CNTN4: variants seen among roughly 807,000 people sequenced by gnomAD.
The protein encoded by CNTN4 is contactin 4, also known as contactin-4.
CNTN4 carries 77 observed loss-of-function variants against 122.5 expected under a neutral mutation model. The observed-to-expected ratio is 0.63, with a 90% CI of 0.52 to 0.76. The LOEUF is 0.76. Among genes scored for constraint, CNTN4 ranks in the 30% least tolerant of loss-of-function variants. The pLI is 0.00. For synonymous variants in CNTN4, 512 were observed against 447.0 expected (o/e 1.15, Z -1.83); for missense variants, 1,256 against 1,259.1 (o/e 1.00, Z 0.04).
At chr3:2,647,858 T>A (rs116511091) in intron 4 of CNTN4, among the ~76,000 whole-genome samples, 2,829 of 152,326 alleles carry the variant, frequency 0.019, 33 homozygotes, top group Middle Eastern at 0.034. Context: ...TAGTTTACAG[T>A]TACTAATATT....
intron 6 of CNTN4, among the ~76,000 whole-genome samples, chr3:2,792,852 C>T (rs2092055344): frequency 6.6e-6 from 1 of 152,172 alleles, no homozygotes. Context: ...TGTATTTATA[C>T]TTTGCATTTT....
intron 2 of CNTN4, among the ~76,000 whole-genome samples, chr3:2,230,049 A>G (rs552167427): frequency 6.6e-6 from 1 of 152,316 alleles, no homozygotes; most frequent in African/African-American, 2.4e-5. Context: ...GGTCATCATT[A>G]TTAAGCTTTA....
Position 2,308,034 on chromosome 3 carries a change from C to A in CNTN4, c.-144-31144C>A, listed in dbSNP as rs144811124. 1.4e-3 allele frequency among the ~76,000 whole-genome samples: 207 copies of A among 152,184 alleles called. 2 individuals are homozygous for A. The East Asian group carries it at 0.03, about 22-fold the overall frequency. On this transcript the variant is annotated intron_variant, in intron 2 of 24. Transcript: ENST00000418658. ...ACCGGTGAAGCCTTCTGCTCATGGA[C>A]TTTTTTATGAGAAGTTTCTTGATTA...
At chr3:2,344,089 G>T (rs919057697) in intron 3 of CNTN4, among the ~76,000 whole-genome samples, 5 of 151,978 alleles carry the variant, frequency 3.3e-5, no homozygotes, top group African/African-American at 1.2e-4. Context: ...TCCCCCCATG[G>T]CCCAAACACC....
At chr3:2,457,769 G>C (rs1320908555) in intron 3 of CNTN4, among the ~76,000 whole-genome samples, 2 of 152,096 alleles carry the variant, frequency 1.3e-5, no homozygotes, top group African/African-American at 4.8e-5. Context: ...CCATGTCCCT[G>C]TGTAATTCAT....
chr3:2,678,952 T>C (rs1246721345), intron 4 of CNTN4, among the ~76,000 whole-genome samples: 1 of 152,158 alleles, frequency 6.6e-6, no homozygotes, highest in Non-Finnish European at 1.5e-5. Context: ...GCTACAAAGG[T>C]ACCTTTTTAC....
chr3:2,726,146 C>G (rs933149737), intron 4 of CNTN4, among the ~76,000 whole-genome samples: 1 of 152,118 alleles, frequency 6.6e-6, no homozygotes, highest in Admixed American at 6.5e-5. Context: ...GGTTCTCTCT[C>G]TCTATGTGGG....
chr3:2,143,167 A>AT (rs1194406600), intron 2 of CNTN4, among the ~76,000 whole-genome samples: 3 of 151,984 alleles, frequency 2.0e-5, no homozygotes, highest in Non-Finnish European at 4.4e-5. Flanking sequence ...TATAGACTGG[A>AT]TTTTTTTCTG....
At chr3:2,756,761 G>A (rs1205404461) in intron 6 of CNTN4, among the ~76,000 whole-genome samples, 1 of 152,160 alleles carries the variant, frequency 6.6e-6, no homozygotes, top group Non-Finnish European at 1.5e-5. Context: ...ATCCAGCAGG[G>A]GAAACCAGTG....
At chr3:2,316,933 C>T (rs754258150) in intron 2 of CNTN4, among the ~76,000 whole-genome samples, 16 of 152,042 alleles carry the variant, frequency 1.1e-4, no homozygotes, top group Non-Finnish European at 2.2e-4. Flanking sequence ...GACAGTGATC[C>T]CATATATTTC....
intron 3 of CNTN4, among the ~76,000 whole-genome samples, chr3:2,492,130 C>T (rs929777504): frequency 6.6e-6 from 1 of 152,174 alleles, no homozygotes; most frequent in African/African-American, 2.4e-5. Context: ...TCCCTGAAGG[C>T]AGGAAATGTT....
intron 7 of CNTN4, among the ~76,000 whole-genome samples, chr3:2,835,124 C>G (rs2093196622): frequency 6.6e-6 from 1 of 151,526 alleles, no homozygotes; most frequent in Non-Finnish European, 1.5e-5. Flanking sequence ...CCAGGATGGT[C>G]TCGATCTCCT....
chr3:2,174,598 C>T (rs1224022680), intron 2 of CNTN4, among the ~76,000 whole-genome samples: 1 of 152,184 alleles, frequency 6.6e-6, no homozygotes, highest in Middle Eastern at 3.2e-3. Flanking sequence ...CTACCAAAGG[C>T]CTTACCTCCT....
At chr3:2,733,401 T>A (rs1337818561) in intron 4 of CNTN4, among the ~76,000 whole-genome samples, 3 of 152,268 alleles carry the variant, frequency 2.0e-5, no homozygotes, top group East Asian at 3.9e-4. Flanking sequence ...TGAGCTCACA[T>A]TTGACCAGTA....
At position 2,840,687 on chromosome 3, in the gene CNTN4, A is replaced by G. The variant is rs187945522; in HGVS notation, c.454+21106A>G. Among the ~76,000 whole-genome samples, 295 of 151,148 alleles carry G rather than the reference A, an allele frequency of 2.0e-3. 2 individuals are homozygous for G. Among genetic ancestry groups the G allele is most frequent in the African/African-American group, 6.8e-3 (280 of 41,226 alleles). On this transcript the variant is annotated intron_variant, in intron 7 of 24. Coordinates refer to ENST00000418658, the MANE Select transcript of CNTN4 (RefSeq NM_175607.3). ...GCACTCCAGCCTGGGCGACAGAGCG[A>G]CACTCCGTCTCCAAAAAATAAAAAA... is the stretch of plus-strand genomic sequence containing the variant.
intron 2 of CNTN4, among the ~76,000 whole-genome samples, chr3:2,134,896 G>T (rs763507643): frequency 6.6e-6 from 1 of 152,190 alleles, no homozygotes. Flanking sequence ...GCTTTACTTA[G>T]TCTGGAGATT....
intron 7 of CNTN4, among the ~76,000 whole-genome samples, chr3:2,843,236 G>A (rs924220484): frequency 3.3e-5 from 5 of 152,110 alleles, no homozygotes; most frequent in Non-Finnish European, 4.4e-5. Context: ...TGAAATTTGG[G>A]TGATAGTCTT....
chr3:2,712,030 T>G (rs2087182360), intron 4 of CNTN4, among the ~76,000 whole-genome samples: 1 of 152,236 alleles, frequency 6.6e-6, no homozygotes, highest in South Asian at 2.1e-4. Context: ...GTTCATCTAC[T>G]CTGGCTGCTA....
chr3:2,325,747 A>G (rs563829100), intron 2 of CNTN4, among the ~76,000 whole-genome samples: 1 of 152,226 alleles, frequency 6.6e-6, no homozygotes, highest in African/African-American at 2.4e-5. Context: ...AAGAATTTTT[A>G]TTTATATATT....
Sources: allele counts gnomAD v4.1 joint callset (sites outside exome capture counted in the v4.1 genomes callset), GRCh38; gene constraint gnomAD v4.1.1; transcripts MANE v1.5; gene names NCBI Gene and HGNC (gene_info 2026-07-23, HGNC 2026-07-21).